KLHDC1: variants seen among roughly 807,000 people sequenced by gnomAD.
KLHDC1 encodes the protein kelch domain containing 1, also known as kelch domain-containing protein 1.
A neutral mutation model predicts 68.3 loss-of-function variants in KLHDC1; 53 were observed. The ratio of observed to expected loss-of-function variants is 0.78; its 90% confidence interval spans 0.62 to 0.98. KLHDC1 has a LOEUF of 0.98. Ranked by LOEUF, KLHDC1 falls within the 50% of genes least tolerant of loss-of-function variation. The pLI is 0.00. For missense variants in KLHDC1, 470 were observed against 492.3 expected (o/e 0.95, Z 0.43); for synonymous variants, 148 against 159.0 (o/e 0.93, Z 0.52).
chr14:49,732,570 T>TA (rs1380135735), intron 8 of KLHDC1, 134 bp from the exon 9 acceptor site: 1 of 470,416 alleles, frequency 2.1e-6, no homozygotes, highest in Non-Finnish European at 3.7e-6. Flanking sequence ...GTTTTTCAAA[T>TA]ATTCATGTAG....
Position 49,736,962 on chromosome 14 carries a change from A to G in KLHDC1, c.896+2301A>G, listed in dbSNP as rs186512591. Among the ~76,000 whole-genome samples, 9 of 152,352 alleles carry G rather than the reference A, an allele frequency of 5.9e-5. 1 individual carries two copies. The East Asian group carries it at 1.5e-3, about 26-fold the overall frequency. On this transcript the variant is annotated intron_variant, in intron 10 of 12. Transcript: ENST00000359332. Reference sequence around the variant, plus strand: ...TAAACCTATGGCTGAAAAGCCATATATGTAGCCAGATCTGATAGCCTATAT... The same window carrying G: ...TAAACCTATGGCTGAAAAGCCATATGTGTAGCCAGATCTGATAGCCTATAT...
intron 4 of KLHDC1, among the ~76,000 whole-genome samples, chr14:49,713,549 T>A (rs929544461): frequency 6.6e-6 from 1 of 151,810 alleles, no homozygotes; most frequent in Non-Finnish European, 1.5e-5. Flanking sequence ...TTCAAAGTGG[T>A]CAGTAAGGTT....
At chr14:49,737,604 C>A (rs1270671977) in intron 10 of KLHDC1, among the ~76,000 whole-genome samples, 4 of 151,922 alleles carry the variant, frequency 2.6e-5, no homozygotes, top group African/African-American at 7.2e-5. Context: ...GTGGCTCACA[C>A]CTGTAATCCC....
chr14:49,693,301 G>A lies in KLHDC1; in HGVS notation c.96+11G>A. 2 of 1,518,918 alleles carry A rather than the reference G, an allele frequency of 1.3e-6. No individual in the cohort carries two copies. The highest frequency in any genetic ancestry group is 1.4e-5 in the African/African-American group (1 of 69,666). 94.1% of individuals were successfully genotyped at this position (1,518,918 alleles called of 1,614,324 possible). On this transcript the variant is annotated intron_variant, in intron 1 of 12. Coordinates refer to ENST00000359332, the MANE Select transcript of KLHDC1 (RefSeq NM_172193.3). ...TGGGGGGGCTACGTGGTAAGGGGAAGAGGCGGGACGGGGTAGACTCGCGCC... is the reference window on the plus strand; with the variant it reads ...TGGGGGGGCTACGTGGTAAGGGGAAAAGGCGGGACGGGGTAGACTCGCGCC...
At chr14:49,743,338 T>G (rs535624724) in intron 11 of KLHDC1, among the ~76,000 whole-genome samples, 112 of 148,468 alleles carry the variant, frequency 7.5e-4, no homozygotes, top group Middle Eastern at 3.4e-3. Context: ...AGTTGGAGGT[T>G]GCAGTGAGTG....
In KLHDC1 at chr14:49,711,347, G is replaced by A. The variant is rs538872191; in HGVS notation, c.404+966G>A. On this transcript the variant is annotated intron_variant, in intron 4 of 12. Transcript: ENST00000359332. ...CTCCCGAGTAGCTGGGACTACAGGG[G>A]CATGCCACCACGCTGGCTAATTTTT... Among the ~76,000 whole-genome samples, 7 of 152,214 alleles carry A rather than the reference G, an allele frequency of 4.6e-5. No individual in the cohort carries two copies. The East Asian group carries it at 1.2e-3, about 25-fold the overall frequency.
intron 1 of KLHDC1, among the ~76,000 whole-genome samples, chr14:49,695,115 G>GGTGTGTGT (rs753979963): frequency 3.1e-4 from 7 of 22,926 alleles, no homozygotes; most frequent in Non-Finnish European, 4.4e-4. Context: ...ATGCAGTTTT[G>GGTGTGTGT]ATGTGTGTGT....
At chr14:49,696,007 A>T (rs577537058) in intron 1 of KLHDC1, among the ~76,000 whole-genome samples, 1 of 150,468 alleles carries the variant, frequency 6.6e-6, no homozygotes, top group East Asian at 2.0e-4. Flanking sequence ...CGGAGCTTGC[A>T]GTGAGCAGAG....
chr14:49,711,174 C>CTTTA (rs1023287261), intron 4 of KLHDC1, among the ~76,000 whole-genome samples: 9 of 150,896 alleles, frequency 6.0e-5, no homozygotes, highest in Admixed American at 1.3e-4. Flanking sequence ...TGTGTTTTTA[C>CTTTA]TTTATTTATT....
At chr14:49,731,203 C>A (rs987940754) in intron 8 of KLHDC1, among the ~76,000 whole-genome samples, 1 of 152,106 alleles carries the variant, frequency 6.6e-6, no homozygotes, top group Non-Finnish European at 1.5e-5. Flanking sequence ...TTGCTTGTAC[C>A]TGGGAGGCGG....
chr14:49,726,803 TC>T (rs772417542), intron 6 of KLHDC1, among the ~76,000 whole-genome samples: 5 of 152,218 alleles, frequency 3.3e-5, no homozygotes, highest in Non-Finnish European at 7.3e-5. Flanking sequence ...CACAATACTT[TC>T]TGTCTTTCTG....
intron 1 of KLHDC1, among the ~76,000 whole-genome samples, chr14:49,705,899 A>G (rs942228881): frequency 1.3e-5 from 2 of 152,192 alleles, no homozygotes; most frequent in Non-Finnish European, 2.9e-5. Context: ...TATGGGATGC[A>G]TGAGATATTT....
chr14:49,750,460 T>C (rs1400053486), intron 12 of KLHDC1, among the ~76,000 whole-genome samples: 2 of 152,210 alleles, frequency 1.3e-5, no homozygotes, highest in Non-Finnish European at 2.9e-5. Context: ...CACAGAACCC[T>C]GTACCTCTAC....
chr14:49,718,334 G>A (rs929697275), intron 4 of KLHDC1, among the ~76,000 whole-genome samples: 4 of 152,174 alleles, frequency 2.6e-5, no homozygotes, highest in African/African-American at 9.7e-5. Flanking sequence ...AGGCAGGAGT[G>A]TAGTGGCACT....
Position 49,743,111 on chromosome 14 carries a change from A to G in KLHDC1, c.982-642A>G, listed in dbSNP as rs549237253. Reference sequence around the variant, plus strand: ...AAAAAAAAAAGGTTTGAAAACCACTACTGGGCTGGGTGCGGTGGCTCACGC... The same window carrying G: ...AAAAAAAAAAGGTTTGAAAACCACTGCTGGGCTGGGTGCGGTGGCTCACGC... On this transcript the variant is annotated intron_variant, in intron 11 of 12. Transcript: ENST00000359332. Among the ~76,000 whole-genome samples, 3 of 145,874 alleles carry G rather than the reference A, an allele frequency of 2.1e-5. 1 individual carries two copies. Among genetic ancestry groups the G allele is most frequent in the South Asian group, 4.3e-4 (2 of 4,640 alleles).
chr14:49,702,647 C>G (rs988829315), intron 1 of KLHDC1, among the ~76,000 whole-genome samples: 4 of 152,088 alleles, frequency 2.6e-5, no homozygotes, highest in Non-Finnish European at 5.9e-5. Flanking sequence ...AGATATGTAA[C>G]TTGTTCTCTG....
chr14:49,713,823 TATATATATATATATATATA>T lies in KLHDC1; in HGVS notation c.404+3443_404+3461del, dbSNP rs1566602820. ...GTATATATATATATATATATATATA[TATATATATATATATATATA>T]TATATATATTTTTTTTTTTTTTTTT... On this transcript the variant is annotated intron_variant, in intron 4 of 12. Transcript: ENST00000359332. Among the ~76,000 whole-genome samples the T allele has an allele frequency of 6.6e-3, 25 of 3,798 alleles. 1 individual carries two copies. The highest frequency in any genetic ancestry group is 8.8e-3 in the African/African-American group (22 of 2,486). The allele number at this position is 3,798 out of a possible 152,430, so 2.5% of individuals were successfully genotyped here. A position where few individuals can be genotyped will look rare whatever the true frequency, so the allele number is the denominator to read the frequency against.
chr14:49,707,456 T>C (rs1888084537), intron 1 of KLHDC1, among the ~76,000 whole-genome samples: 1 of 144,742 alleles, frequency 6.9e-6, no homozygotes, highest in Non-Finnish European at 1.5e-5. Context: ...CAAGCGATTC[T>C]CCTGCCTCAG....
chr14:49,751,641 T>A lies in KLHDC1; in HGVS notation c.1090T>A (p.Leu364Ile). ...TATCATGTTAGAAAGTCAGATATCT[T>A]TATTACCTCCTAAACTTCTGCAACA... ...NSIMLESQIS[L>I]LPPKLLQQVL... Residue 364 changes from leucine to isoleucine, a missense_variant, in exon 13 of 13, where the codon TTA becomes ATA. Physicochemically the swap from Leu to Ile is conservative, Grantham distance 5. Transcript: ENST00000359332. The A allele has an allele frequency of 4.4e-6, 7 of 1,603,074 alleles. No homozygotes were observed. Among genetic ancestry groups the A allele is most frequent in the Non-Finnish European group, 6.0e-6 (7 of 1,173,320 alleles).
Sources: gnomAD v4.1 joint callset for allele counts (sites outside exome capture counted in the v4.1 genomes callset) on GRCh38, gnomAD v4.1.1 for gene constraint, MANE v1.5 for transcripts, NCBI Gene and HGNC (gene_info 2026-07-23, HGNC 2026-07-21) for gene names.